MBTPS1: variants seen among roughly 807,000 people sequenced by gnomAD.
MBTPS1 encodes membrane bound transcription factor peptidase, site 1.
MBTPS1 carries 94 observed loss-of-function variants against 127.8 expected under a neutral mutation model. The observed-to-expected ratio is 0.74, with a 90% CI of 0.62 to 0.87. MBTPS1 has a LOEUF of 0.87. MBTPS1 is among the 40% of genes least tolerant of loss of function. The pLI is 0.00. For missense variants in MBTPS1, 1,636 were observed against 1,353.2 expected, an observed-to-expected ratio of 1.21 and a Z score of -3.28; for synonymous variants, 632 against 509.4, an observed-to-expected ratio of 1.24 and a Z score of -3.24.
intron 10 of MBTPS1, among the ~76,000 whole-genome samples, chr16:84,082,797 G>C (rs150578646): frequency 6.6e-6 from 1 of 152,302 alleles, no homozygotes; most frequent in African/African-American, 2.4e-5. Context: ...AGTGCTCAAA[G>C]CTATGGGTCA....
chr16:84,114,294 G>A (rs1008306630), intron 1 of MBTPS1, among the ~76,000 whole-genome samples: 2 of 152,038 alleles, frequency 1.3e-5, no homozygotes, highest in Non-Finnish European at 2.9e-5. Context: ...TCTTACATCC[G>A]ATGCAACCAT....
intron 2 of MBTPS1, among the ~76,000 whole-genome samples, chr16:84,099,973 C>T (rs1475626614): frequency 4.6e-5 from 7 of 152,290 alleles, no homozygotes; most frequent in South Asian, 2.1e-4. Flanking sequence ...TTTCTTAAAA[C>T]GAAAACAGTA....
At chr16:84,111,858 A>G (rs574634562) in intron 1 of MBTPS1, among the ~76,000 whole-genome samples, 19 of 152,128 alleles carry the variant, frequency 1.2e-4, no homozygotes, top group African/African-American at 4.3e-4. Flanking sequence ...TGCACCACAT[A>G]ATCCAAATTT....
intron 11 of MBTPS1, among the ~76,000 whole-genome samples, chr16:84,080,759 T>C (rs1380622012): frequency 6.6e-6 from 1 of 152,242 alleles, no homozygotes; most frequent in East Asian, 1.9e-4. Context: ...TCCCCAGTCC[T>C]CCTAACTTTT....
At chr16:84,057,295 A>G (rs1030688685) in intron 21 of MBTPS1, 4 of 152,262 alleles carry the variant, frequency 2.6e-5, no homozygotes, top group Non-Finnish European at 5.9e-5. Flanking sequence ...TAAGTTACGG[A>G]ATCAATGACA....
Position 84,070,716 on chromosome 16 carries a change from A to C in MBTPS1, c.1654T>G (p.Ser552Ala). ...CCCGACCAAGGCCATAAGACCGAGG[A>C]GTAGGAGAAGGCAACTTCAATGTTG... is the stretch of plus-strand genomic sequence containing the variant. ...GDNIEVAFSY[S>A]SVLWPWSGYL... Residue 552 changes from serine (S) to alanine (A), a missense_variant, in exon 13 of 23, where the codon TCC (serine) becomes GCC (alanine). By Grantham distance (99) the Ser-to-Ala change is moderately conservative (BLOSUM62 1). Transcript: ENST00000343411. The C allele has an allele frequency of 6.2e-7, 1 of 1,614,146 alleles. No individual in the cohort carries two copies. Among genetic ancestry groups the C allele is most frequent in the Non-Finnish European group, 8.5e-7 (1 of 1,180,018 alleles).
Position 84,070,665 on chromosome 16 carries a change from T to C in MBTPS1, c.1705A>G (p.Thr569Ala). 1 of 1,613,948 alleles carries C rather than the reference T, an allele frequency of 6.2e-7. No homozygotes were observed. The highest frequency in any genetic ancestry group is 1.1e-5 in the South Asian group (1 of 91,060). ...CCTTCCCAGGAAGCCGCTTTCTTGG[T>C]CACAGAAATGGAGATGGCCAGGTAG... ...SGYLAISISV[T>A]KKAASWEGIA... Residue 569 changes from threonine to alanine, a missense_variant, in exon 13 of 23, where the codon ACC (threonine) becomes GCC (alanine). Physicochemically the swap from Thr to Ala is moderately conservative, Grantham distance 58. Coordinates refer to ENST00000343411, the MANE Select transcript of MBTPS1 (RefSeq NM_003791.4).
In MBTPS1 at chr16:84,059,416, T is replaced by C. The variant is rs781016141; in HGVS notation, c.2717A>G (p.His906Arg). 1.2e-6 allele frequency: 2 copies of C among 1,612,634 alleles called. No homozygotes were observed. The highest frequency in any genetic ancestry group is 1.7e-5 in the Admixed American group (1 of 59,772). ...TPERMEGNHL[H>R]RYSKVLEAHL... The stretch of plus-strand genomic sequence containing the variant: ...GGCCTCCAGAACCTTGGAGTACCGA[T>C]GAAGATGGTTTCCTGTGGTTAGCAG... Residue 906 changes from histidine to arginine, a missense_variant, in exon 21 of 23, where the codon CAT becomes CGT. Coordinates refer to ENST00000343411, the MANE Select transcript of MBTPS1 (RefSeq NM_003791.4).
chr16:84,064,652 T>C (rs2085656076), intron 18 of MBTPS1, among the ~76,000 whole-genome samples: 2 of 152,206 alleles, frequency 1.3e-5, no homozygotes, highest in Admixed American at 1.3e-4. Context: ...TGATCCCTTG[T>C]TTACAGCTAG....
At chr16:84,093,877 T>C in intron 4 of MBTPS1, 56 bp from the exon 5 acceptor site, 1 of 1,309,614 alleles carries the variant, frequency 7.6e-7, no homozygotes, top group South Asian at 1.2e-5. Context: ...TCATTTTGGA[T>C]TTTGCCTATA....
Position 84,101,839 on chromosome 16 carries a change from T to A in MBTPS1, c.-56A>T, listed in dbSNP as rs2086261693. ...ATATATTCAAATCACACTTTTTTCT[T>A]CTTGATTAAAAGTGAATTTTTGTTT... On this transcript the variant is annotated 5_prime_UTR_variant, in exon 2 of 23. Transcript: ENST00000343411. The A allele has an allele frequency of 6.5e-7, 1 of 1,532,976 alleles. No homozygotes were observed. The highest frequency in any genetic ancestry group is 1.4e-5 in the African/African-American group (1 of 72,764). The allele number at this position is 1,532,976 out of a possible 1,614,324, so 95.0% of individuals were successfully genotyped here. A position where few individuals can be genotyped will look rare whatever the true frequency, so the allele number is the denominator to read the frequency against.
intron 3 of MBTPS1, among the ~76,000 whole-genome samples, chr16:84,098,228 C>T (rs1193150094): frequency 6.6e-6 from 1 of 152,180 alleles, no homozygotes; most frequent in Non-Finnish European, 1.5e-5. Flanking sequence ...ATGACTTCAA[C>T]GAACCCAGCT....
At chr16:84,113,839 G>A (rs1037139942) in intron 1 of MBTPS1, among the ~76,000 whole-genome samples, 7 of 152,088 alleles carry the variant, frequency 4.6e-5, no homozygotes, top group African/African-American at 1.4e-4. Flanking sequence ...ATTAAAAGTC[G>A]GCTGAAAAAC....
At chr16:84,110,888 A>G (rs2086388111) in intron 1 of MBTPS1, 1 of 152,252 alleles carries the variant, frequency 6.6e-6, no homozygotes, top group Non-Finnish European at 1.5e-5. Context: ...CCAAAGATAC[A>G]CACTGCAAGA....
At chr16:84,103,750 C>A (rs1415726287) in intron 1 of MBTPS1, among the ~76,000 whole-genome samples, 1 of 152,028 alleles carries the variant, frequency 6.6e-6, no homozygotes, top group African/African-American at 2.4e-5. Flanking sequence ...ATCCAAAAAA[C>A]GTTTTTACTT....
intron 22 of MBTPS1, 147 bp downstream of exon 22, chr16:84,055,858 A>C: frequency 1.2e-6 from 1 of 822,138 alleles, no homozygotes; most frequent in Non-Finnish European, 1.9e-6. Flanking sequence ...GGTTTGTGCC[A>C]CAAAAGAAGC....
In MBTPS1 at chr16:84,059,368, C is replaced by T. The variant is rs763683064; in HGVS notation, c.2765G>A (p.Arg922Gln). 12 of 1,613,948 alleles carry T rather than the reference C, an allele frequency of 7.4e-6. No homozygotes were observed. The highest frequency in any genetic ancestry group is 2.2e-5 in the South Asian group (2 of 91,074). The change falls in exon 21 of 23, where the codon CGG (arginine) becomes CAG (glutamine). Residue 922 changes from arginine (R) to glutamine (Q), a missense_variant. By Grantham distance (43) the Arg-to-Gln change is conservative (BLOSUM62 1). Coordinates refer to ENST00000343411, the MANE Select transcript of MBTPS1 (RefSeq NM_003791.4). ...CAAGCGTGGACAGGCTGGTAGAGGC[C>T]GAGGTTTTGGGTCTCCCAAATGGGC... The part of the protein sequence containing the change: ...LEAHLGDPKP[R>Q]PLPACPRLSW...
At chr16:84,090,208 A>G (rs1045581331) in intron 8 of MBTPS1, among the ~76,000 whole-genome samples, 13 of 152,248 alleles carry the variant, frequency 8.5e-5, no homozygotes, top group African/African-American at 3.1e-4. Flanking sequence ...TATCTAGAGA[A>G]TAAAATGAAG....
At chr16:84,067,346 CTTTTT>C (rs1049583622) in intron 16 of MBTPS1, among the ~76,000 whole-genome samples, 8 of 152,208 alleles carry the variant, frequency 5.3e-5, no homozygotes, top group Admixed American at 5.2e-4. Flanking sequence ...GGACTATTTT[CTTTTT>C]TGTGTTTTAT....
Sources: gnomAD v4.1 joint callset for allele counts (sites outside exome capture counted in the v4.1 genomes callset) on GRCh38, gnomAD v4.1.1 for gene constraint, MANE v1.5 for transcripts, NCBI Gene and HGNC (gene_info 2026-07-23, HGNC 2026-07-21) for gene names.